The following ERICH1 variants were observed in gnomAD, a reference collection of about 807,000 sequenced individuals.
ERICH1 encodes glutamate rich 1.
In ERICH1, 56 loss-of-function variants were observed where a neutral mutation model predicts 39.6. The observed-to-expected ratio is 1.41, with a 90% CI of 1.14 to 1.77. The LOEUF (loss-of-function observed/expected upper bound fraction) is 1.77. ERICH1 is among the 40% of genes most tolerant of loss of function. The pLI, the probability that ERICH1 is intolerant of heterozygous loss-of-function variation, is 0.00. For missense variants in ERICH1, 826 were observed against 575.4 expected, an observed-to-expected ratio of 1.44 and a Z score of -4.45; for synonymous variants, 313 against 223.6, an observed-to-expected ratio of 1.40 and a Z score of -3.57.
intron 2 of ERICH1, among the ~76,000 whole-genome samples, chr8:695,545 CCACTCCTCTCCTTCCTCCCCAT>C (rs1809985858): frequency 7.8e-6 from 1 of 128,194 alleles, no homozygotes; most frequent in Non-Finnish European, 1.7e-5. Context: ...CTCTCGCCCT[CCACTCCTCTCCTTCCTCCCCAT>C]CAGCCTGCGC....
chr8:720,728 G>A (rs1224694324), intron 1 of ERICH1, among the ~76,000 whole-genome samples: 1 of 152,178 alleles, frequency 6.6e-6, no homozygotes, highest in Non-Finnish European at 1.5e-5. Context: ...AGCAGCCTAA[G>A]CTAAACTGGT....
intron 1 of ERICH1, among the ~76,000 whole-genome samples, chr8:720,508 T>C (rs1027529353): frequency 6.6e-6 from 1 of 152,198 alleles, no homozygotes; most frequent in African/African-American, 2.4e-5. Flanking sequence ...AATTTTAGTA[T>C]ACAATTTTAG....
At chr8:727,172 CCAGACACGTGTGCACAAAGGCATACA>C (rs1818962467) in intron 1 of ERICH1, among the ~76,000 whole-genome samples, 2 of 152,136 alleles carry the variant, frequency 1.3e-5, no homozygotes, top group Non-Finnish European at 1.5e-5. Flanking sequence ...CACACATACA[CCAGACACGTGTGCACAAAGGCATACA>C]CAGACACGTG....
chr8:708,696 T>G (rs1310732081), intron 2 of ERICH1, among the ~76,000 whole-genome samples: 4 of 138,322 alleles, frequency 2.9e-5, no homozygotes, highest in South Asian at 2.5e-4. Flanking sequence ...TTTTTTTTTT[T>G]TTTTTTTTTT....
chr8:665,505 C>G (rs1022340286), intron 5 of ERICH1, among the ~76,000 whole-genome samples: 1 of 152,334 alleles, frequency 6.6e-6, no homozygotes, highest in East Asian at 1.9e-4. Flanking sequence ...CACACTCCCC[C>G]CAGGCAGGCT....
intron 1 of ERICH1, among the ~76,000 whole-genome samples, chr8:727,020 A>G (rs781656384): frequency 6.6e-6 from 1 of 151,572 alleles, no homozygotes; most frequent in Non-Finnish European, 1.5e-5. Context: ...ACACACATGC[A>G]TGCACACACA....
chr8:639,819 G>A (rs959560319), intron 3 of ERICH1, among the ~76,000 whole-genome samples: 1 of 123,442 alleles, frequency 8.1e-6, no homozygotes, highest in Admixed American at 8.5e-5. Context: ...AGGCAGCCAC[G>A]AATCCAGTGA....
chr8:668,369 C>A (rs1802606387), intron 5 of ERICH1: 3 of 564,446 alleles, frequency 5.3e-6, no homozygotes, highest in Non-Finnish European at 9.4e-6. Flanking sequence ...GCTCCCAAGT[C>A]CGGAAACTTA....
chr8:686,956 C>G (rs888303400), intron 3 of ERICH1, among the ~76,000 whole-genome samples: 2 of 152,192 alleles, frequency 1.3e-5, no homozygotes, highest in Admixed American at 6.5e-5. Context: ...GGGGGGCAGC[C>G]CCATCACCCA....
At chr8:672,988 G>C (rs1803776463) in intron 4 of ERICH1, among the ~76,000 whole-genome samples, 1 of 152,370 alleles carries the variant, frequency 6.6e-6, no homozygotes, top group East Asian at 1.9e-4. Context: ...GAGGCATGGA[G>C]GACACGGGGC....
chr8:634,183 A>AAAAAAC (rs1554481909), intron 3 of ERICH1, among the ~76,000 whole-genome samples: 1 of 135,808 alleles, frequency 7.4e-6, no homozygotes. Flanking sequence ...AAAAAAAAAA[A>AAAAAAC]AAACAAACAA....
In ERICH1 at chr8:715,979, A is replaced by C. The variant is rs774693644; in HGVS notation, c.51T>G (p.Leu17=). 7 of 1,613,046 alleles carry C rather than the reference A, an allele frequency of 4.3e-6. No homozygotes were observed. In the Admixed American group the frequency reaches 1.2e-4, roughly 27 times the overall value. The change falls in exon 2 of 6, where the codon CTT becomes CTG. Residue 17 remains leucine, a synonymous_variant. Coordinates refer to ENST00000262109, the MANE Select transcript of ERICH1 (RefSeq NM_207332.3). ...CTTGGCCACTTGGAACAGGAGGAAA[A>C]AGTCTCTGCAGCACCTTCTCCACAA... ...HVFVEKVLQR[L]FPPVPSGQGK... is the part of the protein sequence containing the mutation.
At chr8:690,131 C>T (rs1376178287) in intron 3 of ERICH1, among the ~76,000 whole-genome samples, 2 of 152,186 alleles carry the variant, frequency 1.3e-5, no homozygotes, top group Non-Finnish European at 2.9e-5. Context: ...AGAGCCAAGA[C>T]CCATTAACCC....
intron 3 of ERICH1, chr8:627,388 G>C (rs941667551): frequency 2.8e-6 from 1 of 361,348 alleles, no homozygotes; most frequent in African/African-American, 2.1e-5. Flanking sequence ...TGAGAGCCTC[G>C]ACTTCACATG....
intron 2 of ERICH1, among the ~76,000 whole-genome samples, chr8:706,123 G>A (rs1257465565): frequency 6.6e-6 from 1 of 152,240 alleles, no homozygotes; most frequent in Non-Finnish European, 1.5e-5. Flanking sequence ...GCCCAGGCCT[G>A]CAGCTGGATC....
At chr8:708,007 A>G (rs1307362495) in intron 2 of ERICH1, among the ~76,000 whole-genome samples, 1 of 152,246 alleles carries the variant, frequency 6.6e-6, no homozygotes, top group Non-Finnish European at 1.5e-5. Flanking sequence ...TCTCTAAAGA[A>G]GATACACAAA....
At chr8:636,504 G>T (rs547991972) in intron 3 of ERICH1, among the ~76,000 whole-genome samples, 1 of 152,240 alleles carries the variant, frequency 6.6e-6, no homozygotes, top group African/African-American at 2.4e-5. Context: ...CATCTGCCTG[G>T]GTTCTGCCCC....
At chr8:675,185 T>G (rs771317350) in intron 3 of ERICH1, among the ~76,000 whole-genome samples, 1 of 21,268 alleles carries the variant, frequency 4.7e-5, no homozygotes, top group Non-Finnish European at 1.0e-4. Context: ...CGGCCCCTCG[T>G]GAGGACAGAG....
downstream of ERICH1, among the ~76,000 whole-genome samples, chr8:663,762 T>C (rs1180060405): frequency 1.3e-5 from 2 of 152,152 alleles, no homozygotes. Flanking sequence ...CTGATGGTTT[T>C]TTTTTTTTTT....
Sources: gnomAD v4.1 joint callset for allele counts (sites outside exome capture counted in the v4.1 genomes callset) on GRCh38, gnomAD v4.1.1 for gene constraint, MANE v1.5 for transcripts, NCBI Gene and HGNC (gene_info 2026-07-23, HGNC 2026-07-21) for gene names.